The following ATP13A4 variants were observed in gnomAD, a reference collection of about 807,000 sequenced individuals.
ATP13A4 encodes the protein probable cation-transporting ATPase 13A4.
A neutral mutation model predicts 142.5 loss-of-function variants in ATP13A4; 114 were observed. The observed-to-expected ratio is 0.80, with a 90% confidence interval of 0.69 to 0.93. The LOEUF (loss-of-function observed/expected upper bound fraction) is 0.93. ATP13A4 is among the 40% of genes least tolerant of loss of function. ATP13A4 has a pLI of 0.00. For synonymous variants in ATP13A4, 488 were observed against 514.8 expected (o/e 0.95, Z 0.70); for missense variants, 1,392 against 1,454.0 (o/e 0.96, Z 0.69).
intron 1 of ATP13A4, among the ~76,000 whole-genome samples, chr3:193,547,707 A>G (rs1389914215): frequency 1.3e-5 from 2 of 152,180 alleles, no homozygotes; most frequent in East Asian, 3.8e-4. Flanking sequence ...CCTAACTTGC[A>G]GGGACAACTT....
chr3:193,459,815 C>T (rs1288372886), intron 13 of ATP13A4, among the ~76,000 whole-genome samples: 1 of 152,162 alleles, frequency 6.6e-6, no homozygotes, highest in Non-Finnish European at 1.5e-5. Flanking sequence ...ACCATTATCC[C>T]CATCATCTCA....
Position 193,519,480 on chromosome 3 carries a change from A to G in ATP13A4, c.61-4609T>C, listed in dbSNP as rs569503169. Among the ~76,000 whole-genome samples the G allele has an allele frequency of 1.2e-4, 18 of 152,064 alleles. No individual in the cohort carries two copies. The South Asian group carries it at 3.3e-3, about 28-fold the overall frequency. On this transcript the variant is annotated intron_variant, in intron 1 of 29. Coordinates refer to ENST00000342695, the MANE Select transcript of ATP13A4 (RefSeq NM_032279.4). Reference sequence around the variant, plus strand: ...CCCTTTCCTGCCTCATGGTCTTCCCATGGCTTGCTATTTCTCATTCTTTCA... The same window carrying G: ...CCCTTTCCTGCCTCATGGTCTTCCCGTGGCTTGCTATTTCTCATTCTTTCA...
chr3:193,480,429 A>T (rs1460921893), intron 8 of ATP13A4, among the ~76,000 whole-genome samples: 1 of 152,146 alleles, frequency 6.6e-6, no homozygotes, highest in African/African-American at 2.4e-5. Context: ...ACAAATCAGC[A>T]AGAAAAAAAC....
intron 25 of ATP13A4, among the ~76,000 whole-genome samples, chr3:193,421,323 GT>G (rs950576442): frequency 2.7e-5 from 4 of 149,430 alleles, no homozygotes; most frequent in Non-Finnish European, 5.9e-5. Context: ...AAGTAAAGCT[GT>G]CCTTCAGAAG....
intron 1 of ATP13A4, among the ~76,000 whole-genome samples, chr3:193,543,060 G>C (rs1163991898): frequency 6.6e-6 from 1 of 151,722 alleles, no homozygotes; most frequent in Non-Finnish European, 1.5e-5. Flanking sequence ...CCCAGCTACT[G>C]GGGAGGCTGA....
intron 3 of ATP13A4, among the ~76,000 whole-genome samples, chr3:193,494,725 C>A (rs1359742858): frequency 6.6e-6 from 1 of 151,544 alleles, no homozygotes; most frequent in Non-Finnish European, 1.5e-5. Flanking sequence ...AAAATGAGAA[C>A]AAACTAAATC....
chr3:193,453,065 T>A (rs1717378189), intron 17 of ATP13A4, among the ~76,000 whole-genome samples: 1 of 152,170 alleles, frequency 6.6e-6, no homozygotes, highest in South Asian at 2.1e-4. Flanking sequence ...AGTCTGTATT[T>A]GTAGATGTTG....
chr3:193,491,229 G>A (rs5015036), intron 6 of ATP13A4, 100 bp downstream of exon 6: 99,714 of 886,166 alleles, frequency 0.11, 7,027 homozygotes, highest in East Asian at 0.31. Context: ...TATACTCTAT[G>A]TGAAGTTACT....
At chr3:193,470,237 G>A (rs1718540216) in intron 9 of ATP13A4, among the ~76,000 whole-genome samples, 1 of 152,176 alleles carries the variant, frequency 6.6e-6, no homozygotes, top group African/African-American at 2.4e-5. Flanking sequence ...CCTTAAGCAA[G>A]TCACCTCTCT....
chr3:193,552,431 T>A (rs927431983), intron 1 of ATP13A4, among the ~76,000 whole-genome samples: 4 of 152,200 alleles, frequency 2.6e-5, no homozygotes, highest in African/African-American at 9.7e-5. Context: ...TTTGCAAAGG[T>A]TCAAGTAAAG....
In ATP13A4 at chr3:193,400,173, T is replaced by C. The variant is rs947182413; in HGVS notation, c.*2479A>G. ...CTCAGGAAAACCCTTCACAGTCCCC[T>C]GACTGTTTTCTTTCCAGGCTGGGCA... is the stretch of plus-strand genomic sequence containing the variant. On this transcript the variant is annotated 3_prime_UTR_variant, in exon 30 of 30. Transcript: ENST00000342695. Among the ~76,000 whole-genome samples, 3 of 152,246 alleles carry C rather than the reference T, an allele frequency of 2.0e-5. No homozygotes were observed. The highest frequency in any genetic ancestry group is 2.9e-5 in the Non-Finnish European group (2 of 68,032).
chr3:193,491,210 C>G (rs1433365500), intron 6 of ATP13A4, 119 bp downstream of exon 6: 1 of 833,922 alleles, frequency 1.2e-6, no homozygotes, highest in Non-Finnish European at 2.1e-6. Context: ...GCTTGGCATA[C>G]TTTCAAAATA....
chr3:193,452,501 TGA>T (rs1717337805), intron 17 of ATP13A4, among the ~76,000 whole-genome samples: 1 of 150,772 alleles, frequency 6.6e-6, no homozygotes, highest in African/African-American at 2.4e-5. Flanking sequence ...CATCACAAAG[TGA>T]GAGAGTTGGG....
chr3:193,545,918 C>CT (rs1723194593), intron 1 of ATP13A4, among the ~76,000 whole-genome samples: 1 of 150,460 alleles, frequency 6.6e-6, no homozygotes. Context: ...ATGAGTATTA[C>CT]TTAAATTTCT....
intron 2 of ATP13A4, among the ~76,000 whole-genome samples, chr3:193,503,139 C>T (rs2056367): frequency 0.35 from 53,805 of 151,930 alleles, 10,440 homozygotes; most frequent in African/African-American, 0.52. Context: ...ACCTGGAATG[C>T]AGGGATCACG....
intron 7 of ATP13A4, among the ~76,000 whole-genome samples, chr3:193,484,492 C>T (rs1719492784): frequency 1.3e-5 from 2 of 151,986 alleles, no homozygotes; most frequent in Non-Finnish European, 2.9e-5. Context: ...TATTAGGAAA[C>T]TATTGTGTAA....
At chr3:193,443,779 G>T (rs1420622664) in intron 18 of ATP13A4, among the ~76,000 whole-genome samples, 1 of 151,788 alleles carries the variant, frequency 6.6e-6, no homozygotes, top group South Asian at 2.1e-4. Context: ...TTCTCAACAA[G>T]AAAATATAAA....
chr3:193,499,776 A>G (rs1720436489), intron 3 of ATP13A4, among the ~76,000 whole-genome samples: 1 of 152,256 alleles, frequency 6.6e-6, no homozygotes, highest in Non-Finnish European at 1.5e-5. Context: ...GCCCCTGATC[A>G]GTTCGAGAAC....
Position 193,442,652 on chromosome 3 carries a change from T to G in ATP13A4, c.2153-96A>C. Reference sequence around the variant, plus strand: ...CCAGAGCAGGGAGTTCAGTCCTTATTTCAGGTATGAAGAGAAATGATCTCT... The same window carrying G: ...CCAGAGCAGGGAGTTCAGTCCTTATGTCAGGTATGAAGAGAAATGATCTCT... On this transcript the variant is annotated intron_variant, in intron 18 of 29. Transcript: ENST00000342695. 3.2e-6 allele frequency: 4 copies of G among 1,240,842 alleles called. No individual in the cohort carries two copies. The East Asian group carries it at 9.3e-5, about 29-fold the overall frequency. The allele number at this position is 1,240,842 out of a possible 1,614,324, so 76.9% of individuals were successfully genotyped here. A position where few individuals can be genotyped will look rare whatever the true frequency, so the allele number is the denominator to read the frequency against.
Sources: allele counts gnomAD v4.1 joint callset (sites outside exome capture counted in the v4.1 genomes callset), GRCh38; gene constraint gnomAD v4.1.1; transcripts MANE v1.5; gene names NCBI Gene and HGNC (gene_info 2026-07-23, HGNC 2026-07-21).